The following RRP15 variants were observed in gnomAD, a reference collection of about 807,000 sequenced individuals.
RRP15 encodes the protein ribosomal RNA processing 15 homolog, also known as RRP15-like protein.
In RRP15, 18 loss-of-function variants were observed where a neutral mutation model predicts 27.1. That is an observed-to-expected ratio of 0.66 (90% CI 0.46 to 0.98). The LOEUF (loss-of-function observed/expected upper bound fraction) is 0.98, where lower values mean the gene tolerates loss of function less well. RRP15 is among the 50% of genes least tolerant of loss of function. The pLI, the probability that RRP15 is intolerant of heterozygous loss-of-function variation, is 0.00. For synonymous variants in RRP15, 107 were observed against 109.4 expected, an observed-to-expected ratio of 0.98 and a Z score of 0.14; for missense variants, 359 against 337.8, an observed-to-expected ratio of 1.06 and a Z score of -0.49.
intron 4 of RRP15, among the ~76,000 whole-genome samples, chr1:218,317,100 G>T (rs1558209663): frequency 1.3e-5 from 2 of 152,128 alleles, no homozygotes; most frequent in Non-Finnish European, 2.9e-5. Flanking sequence ...TTTTATGGGG[G>T]TGCTGTCATA....
intron 4 of RRP15, among the ~76,000 whole-genome samples, chr1:218,314,949 G>A (rs935195307): frequency 7.0e-5 from 10 of 142,852 alleles, no homozygotes; most frequent in Non-Finnish European, 7.5e-5. Context: ...CTGAGATTGC[G>A]CCACTGCACT....
At position 218,331,054 on chromosome 1, in the gene RRP15, A is replaced by G. The variant is rs1450970730; in HGVS notation, c.812A>G (p.Asp271Gly). The G allele has an allele frequency of 2.5e-6, 4 of 1,612,918 alleles. No individual in the cohort carries two copies. The highest frequency in any genetic ancestry group is 2.5e-6 in the Non-Finnish European group (3 of 1,179,178). Residue 271 changes from aspartate to glycine, a missense_variant, in exon 5 of 5, where the codon GAC becomes GGC. Coordinates refer to ENST00000366932, the MANE Select transcript of RRP15 (RefSeq NM_016052.4). ...DWDKESDGPDDSRPESASDSD... is the reference protein window; with the variant it reads ...DWDKESDGPDGSRPESASDSD... ...GACAAGGAAAGTGATGGGCCAGATG[A>G]CAGCAGACCAGAATCTGCAAGTGAC...
At chr1:218,315,851 A>G (rs1342983849) in intron 4 of RRP15, among the ~76,000 whole-genome samples, 1 of 152,172 alleles carries the variant, frequency 6.6e-6, no homozygotes, top group Non-Finnish European at 1.5e-5. Context: ...GCAGGACAAC[A>G]GTGTTTTACT....
intron 4 of RRP15, among the ~76,000 whole-genome samples, chr1:218,311,492 A>G (rs755110870): frequency 2.6e-5 from 4 of 151,778 alleles, no homozygotes; most frequent in Admixed American, 6.6e-5. Context: ...TTAGTTTTGT[A>G]TATGCCAAAA....
intron 4 of RRP15, among the ~76,000 whole-genome samples, chr1:218,309,019 T>C (rs1265517283): frequency 6.6e-6 from 1 of 152,236 alleles, no homozygotes; most frequent in Non-Finnish European, 1.5e-5. Flanking sequence ...GGATTATTTC[T>C]TTCATGAGTT....
chr1:218,333,214 G>A lies in RRP15; in HGVS notation c.*2123G>A, dbSNP rs2102519951. ...AAAAAATGTATCACTTCTGTTAGAA[G>A]GCTATGAAGTATATATAAATTATAT... On this transcript the variant is annotated 3_prime_UTR_variant, in exon 5 of 5. Transcript: ENST00000366932. The A allele has an allele frequency of 6.6e-6, 1 of 152,194 alleles. No homozygotes were observed. Among genetic ancestry groups the A allele is most frequent in the African/African-American group, 2.4e-5 (1 of 41,540 alleles). 9.4% of individuals were successfully genotyped at this position (152,194 alleles called of 1,614,324 possible).
chr1:218,296,028 A>G (rs1655713449), intron 1 of RRP15, among the ~76,000 whole-genome samples: 1 of 152,198 alleles, frequency 6.6e-6, no homozygotes, highest in Non-Finnish European at 1.5e-5. Flanking sequence ...GGGGAGCAGT[A>G]GTTTTAGAGA....
intron 3 of RRP15, among the ~76,000 whole-genome samples, chr1:218,306,048 A>C (rs1418522073): frequency 6.6e-6 from 1 of 152,170 alleles, no homozygotes; most frequent in African/African-American, 2.4e-5. Flanking sequence ...GTACAGGCTC[A>C]GTACATGAGA....
chr1:218,302,674 T>C, intron 2 of RRP15, 115 bp downstream of exon 2: 1 of 1,471,292 alleles, frequency 6.8e-7, no homozygotes, highest in East Asian at 2.3e-5. Flanking sequence ...TTAACTTGTT[T>C]TTTATGTGAA....
chr1:218,312,308 G>A (rs1326966566), intron 4 of RRP15, among the ~76,000 whole-genome samples: 2 of 149,380 alleles, frequency 1.3e-5, no homozygotes, highest in Admixed American at 6.7e-5. Flanking sequence ...GCCATTGAGC[G>A]GTTCAGTGCT....
rs1363894254 is a variant in RRP15, at chr1:218,336,248, A to G, written c.*5157A>G. On this transcript the variant is annotated 3_prime_UTR_variant, in exon 5 of 5. Transcript: ENST00000366932. ...CAAATGTAGGTTGCAGATTCAGGCA[A>G]AACACACACACACACACACACAAAA... is the stretch of plus-strand genomic sequence containing the variant. The G allele has an allele frequency of 6.6e-6, 1 of 151,722 alleles. No individual in the cohort carries two copies. Among genetic ancestry groups the G allele is most frequent in the African/African-American group, 2.5e-5 (1 of 40,790 alleles). 9.4% of individuals were successfully genotyped at this position (151,722 alleles called of 1,614,324 possible). A position where few individuals can be genotyped will look rare whatever the true frequency, so the allele number is the denominator to read the frequency against.
In RRP15 at chr1:218,331,002, A is replaced by G; in HGVS notation, c.760A>G (p.Met254Val). ...PGWTILRDDFMMGASMKDWDK... is the reference protein window; with the variant it reads ...PGWTILRDDFVMGASMKDWDK... ...TTGGACGATCCTACGTGATGATTTC[A>G]TGATGGGAGCATCTATGAAAGACTG... Residue 254 changes from methionine (M) to valine (V), a missense_variant, in exon 5 of 5, where the codon ATG (methionine) becomes GTG (valine). Physicochemically the swap from Met to Val is conservative, Grantham distance 21. Transcript: ENST00000366932. The G allele has an allele frequency of 6.2e-7, 1 of 1,613,902 alleles. No individual in the cohort carries two copies. The highest frequency in any genetic ancestry group is 8.5e-7 in the Non-Finnish European group (1 of 1,179,780).
intron 2 of RRP15, 68 bp downstream of exon 2, chr1:218,302,627 G>C: frequency 6.5e-7 from 1 of 1,539,700 alleles, no homozygotes; most frequent in Non-Finnish European, 8.7e-7. Flanking sequence ...TGACCGAACT[G>C]TTTCTTGCAG....
intron 4 of RRP15, among the ~76,000 whole-genome samples, chr1:218,322,476 GGGAAACTTA>G (rs531728332): frequency 1.6e-3 from 235 of 151,058 alleles, no homozygotes; most frequent in African/African-American, 5.5e-3. Context: ...AAAAAAGCTT[GGGAAACTTA>G]GGATTTGTGG....
At chr1:218,311,680 T>C (rs761130834) in intron 4 of RRP15, among the ~76,000 whole-genome samples, 1 of 152,250 alleles carries the variant, frequency 6.6e-6, no homozygotes, top group African/African-American at 2.4e-5. Context: ...TCCTATGCAG[T>C]ATCCTCTGTT....
intron 4 of RRP15, among the ~76,000 whole-genome samples, chr1:218,321,542 T>G (rs913316424): frequency 6.6e-5 from 10 of 152,234 alleles, no homozygotes; most frequent in Non-Finnish European, 1.0e-4. Context: ...ATCTTATAGC[T>G]ATAACCAGTT....
intron 1 of RRP15, among the ~76,000 whole-genome samples, chr1:218,290,768 C>T (rs970594180): frequency 3.3e-5 from 5 of 152,170 alleles, no homozygotes; most frequent in African/African-American, 1.2e-4. Context: ...TGCTCCCAGC[C>T]TTATGTGTGT....
At chr1:218,312,282 CT>C (rs538218806) in intron 4 of RRP15, among the ~76,000 whole-genome samples, 13,388 of 137,276 alleles carry the variant, frequency 0.098, 1,875 homozygotes, top group African/African-American at 0.32. Context: ...TTTCTTTTTT[CT>C]TTTTTTTTTT....
At chr1:218,299,696 C>T (rs1439575985) in intron 1 of RRP15, among the ~76,000 whole-genome samples, 1 of 152,108 alleles carries the variant, frequency 6.6e-6, no homozygotes, top group Non-Finnish European at 1.5e-5. Context: ...ATCTTGCCTC[C>T]TTACATTTAG....
Sources: allele counts gnomAD v4.1 joint callset (sites outside exome capture counted in the v4.1 genomes callset), GRCh38; gene constraint gnomAD v4.1.1; transcripts MANE v1.5; gene names NCBI Gene and HGNC (gene_info 2026-07-23, HGNC 2026-07-21).